Variants in NME1 observed in about 807,000 individuals in gnomAD.
NME1 encodes nucleoside diphosphate kinase A.
In NME1, 9 loss-of-function variants were observed where a neutral mutation model predicts 17.2. That is an observed-to-expected ratio of 0.52 (90% confidence interval 0.32 to 0.92). The LOEUF is 0.92. Ranked by LOEUF, NME1 falls within the 40% of genes least tolerant of loss-of-function variation. The pLI is 0.04. For synonymous variants in NME1, 72 were observed against 70.8 expected, an observed-to-expected ratio of 1.02 and a Z score of -0.09; for missense variants, 169 against 201.7, an observed-to-expected ratio of 0.84 and a Z score of 0.98.
rs1568122693 is a variant in NME1, at chr17:51,161,270, C to G, written c.339C>G (p.Gly113=). The G allele has an allele frequency of 3.1e-6, 5 of 1,605,304 alleles. No individual in the cohort carries two copies. The highest frequency in any genetic ancestry group is 4.3e-6 in the Non-Finnish European group (5 of 1,175,768). Residue 113 remains glycine, a splice_region_variant and synonymous_variant, in exon 4 of 5, where the codon GGC becomes GGG. Coordinates refer to ENST00000393196, the MANE Select transcript of NME1 (RefSeq NM_000269.3). ...TIRGDFCIQV[G]RNIIHGSDSV... ...GTGGAGACTTCTGCATACAAGTTGGCAGGTGAGATTTTGGTATTTTTCCCC... is the reference window on the plus strand; with the variant it reads ...GTGGAGACTTCTGCATACAAGTTGGGAGGTGAGATTTTGGTATTTTTCCCC...
At position 51,155,951 on chromosome 17, in the gene NME1, A is replaced by G. The variant is rs1009184070; in HGVS notation, c.126+171A>G. ...CCCTAGCGTTTGGCTACATCTTGGAACAAACCAAGTTATTTAGGATTTTCC... is the reference window on the plus strand; with the variant it reads ...CCCTAGCGTTTGGCTACATCTTGGAGCAAACCAAGTTATTTAGGATTTTCC... On this transcript the variant is annotated intron_variant, in intron 2 of 4. Coordinates refer to ENST00000393196, the MANE Select transcript of NME1 (RefSeq NM_000269.3). The G allele has an allele frequency of 4.0e-6, 4 of 1,005,020 alleles. No homozygotes were observed. The African/African-American group carries it at 4.9e-5, about 12-fold the overall frequency. 62.3% of individuals were successfully genotyped at this position (1,005,020 alleles called of 1,614,324 possible). A position where few individuals can be genotyped will look rare whatever the true frequency, so the allele number is the denominator to read the frequency against.
intron 2 of NME1, among the ~76,000 whole-genome samples, chr17:51,157,116 A>G (rs762794599): frequency 5.3e-5 from 8 of 151,884 alleles, no homozygotes; most frequent in Non-Finnish European, 1.2e-4. Context: ...TTGACTTGCA[A>G]TTTACTTCCT....
Position 51,160,019 on chromosome 17 carries a change from A to C in NME1, c.166A>C (p.Lys56Gln). The change falls in exon 3 of 5, where the codon AAG becomes CAG. Residue 56 changes from lysine to glutamine, a missense_variant. Lys to Gln is a moderately conservative substitution (Grantham distance 53, BLOSUM62 1). Coordinates refer to ENST00000393196, the MANE Select transcript of NME1 (RefSeq NM_000269.3). ...DLLKEHYVDL[K>Q]DRPFFAGLVK... ...TCTCAAGGAACACTACGTTGACCTG[A>C]AGGACCGTCCATTCTTTGCCGGCCT... 1 of 1,614,118 alleles carries C rather than the reference A, an allele frequency of 6.2e-7. No homozygotes were observed. The highest frequency in any genetic ancestry group is 8.5e-7 in the Non-Finnish European group (1 of 1,179,994).
At chr17:51,160,138 C>A in intron 3 of NME1, 57 bp downstream of exon 3, 1 of 1,588,796 alleles carries the variant, frequency 6.3e-7, no homozygotes, top group Non-Finnish European at 8.6e-7. Context: ...CTGTGCTAGG[C>A]TCTCTTCTAG....
chr17:51,154,827 T>G (rs577698239), intron 1 of NME1, among the ~76,000 whole-genome samples: 17 of 152,238 alleles, frequency 1.1e-4, no homozygotes, highest in Admixed American at 5.2e-4. Flanking sequence ...AAACTTTTCA[T>G]CAGTGTAGTT....
At chr17:51,159,007 T>C (rs944749676) in intron 2 of NME1, among the ~76,000 whole-genome samples, 1 of 152,256 alleles carries the variant, frequency 6.6e-6, no homozygotes, top group Admixed American at 6.5e-5. Flanking sequence ...TTTTATCCTC[T>C]GAATAAACGT....
Position 51,161,171 on chromosome 17 carries a change from G to A in NME1, c.240G>A (p.Gly80=). The A allele has an allele frequency of 1.2e-6, 2 of 1,610,888 alleles. No homozygotes were observed. Among genetic ancestry groups the A allele is most frequent in the African/African-American group, 1.3e-5 (1 of 74,990 alleles). Residue 80 remains glycine, a synonymous_variant, in exon 4 of 5, where the codon GGG becomes GGA. Transcript: ENST00000393196. ...TTCTGTCCTTGGAGGTCTGGGAGGGGCTGAATGTGGTGAAGACGGGCCGAG... is the reference window on the plus strand; with the variant it reads ...TTCTGTCCTTGGAGGTCTGGGAGGGACTGAATGTGGTGAAGACGGGCCGAG... ...SGPVVAMVWE[G]LNVVKTGRVM...
intron 3 of NME1, 128 bp downstream of exon 3, chr17:51,160,209 T>C (rs956298921): frequency 6.3e-6 from 6 of 957,974 alleles, no homozygotes; most frequent in African/African-American, 1.6e-5. Context: ...TACCAGCTAA[T>C]GGTTAGTGAT....
At position 51,162,022 on chromosome 17, in the gene NME1, G is replaced by T; in HGVS notation, c.*177G>T. 1.7e-6 allele frequency: 1 copy of T among 592,564 alleles called. No individual in the cohort carries two copies. Among genetic ancestry groups the T allele is most frequent in the South Asian group, 2.0e-5 (1 of 51,066 alleles). 36.7% of individuals were successfully genotyped at this position (592,564 alleles called of 1,614,324 possible). A position where few individuals can be genotyped will look rare whatever the true frequency, so the allele number is the denominator to read the frequency against. ...CCATCCCCGACCATCTGATTAAAATGCTTCCTCCCAGCATAGGATTCATTG... is the reference window on the plus strand; with the variant it reads ...CCATCCCCGACCATCTGATTAAAATTCTTCCTCCCAGCATAGGATTCATTG... On this transcript the variant is annotated 3_prime_UTR_variant, in exon 5 of 5. Transcript: ENST00000393196.
intron 2 of NME1, among the ~76,000 whole-genome samples, chr17:51,158,692 G>T (rs1227380263): frequency 6.6e-6 from 1 of 152,184 alleles, no homozygotes; most frequent in African/African-American, 2.4e-5. Context: ...CTCCACATCT[G>T]TGTGTGTCTC....
chr17:51,155,630 C>T, intron 1 of NME1, 21 bp from the exon 2 acceptor site: 1 of 1,613,060 alleles, frequency 6.2e-7, no homozygotes, highest in Non-Finnish European at 8.5e-7. Flanking sequence ...CTGTTTCATT[C>T]CTCTACCTGC....
At chr17:51,160,215 G>A (rs777755740) in intron 3 of NME1, 134 bp downstream of exon 3, 2 of 917,270 alleles carry the variant, frequency 2.2e-6, no homozygotes, top group Non-Finnish European at 3.5e-6. Flanking sequence ...CTAATGGTTA[G>A]TGATAGGCTT....
At chr17:51,157,436 G>A (rs958536544) in intron 2 of NME1, among the ~76,000 whole-genome samples, 14 of 152,222 alleles carry the variant, frequency 9.2e-5, no homozygotes, top group African/African-American at 3.1e-4. Flanking sequence ...CCTGAGATAA[G>A]ACATTAATCT....
At position 51,155,699 on chromosome 17, in the gene NME1, G is replaced by T. The variant is rs1473620423; in HGVS notation, c.45G>T (p.Gly15=). The T allele has an allele frequency of 1.9e-6, 3 of 1,614,056 alleles. No individual in the cohort carries two copies. Residue 15 remains glycine (G), a synonymous_variant, in exon 2 of 5, where the codon GGG becomes GGT. Coordinates refer to ENST00000393196, the MANE Select transcript of NME1 (RefSeq NM_000269.3). ...CCTTCATTGCGATCAAACCAGATGG[G>T]GTCCAGCGGGGTCTTGTGGGAGAGA... ...ERTFIAIKPD[G]VQRGLVGEII...
rs866649317 is a variant in NME1 at position 51,159,835 on chromosome 17, G to T, written c.127-145G>T. On this transcript the variant is annotated intron_variant, in intron 2 of 4. Coordinates refer to ENST00000393196, the MANE Select transcript of NME1 (RefSeq NM_000269.3). ...TTAGTCCTGTCACTGCTCCCTTCCA[G>T]TGTGGAGAATGAATTGGGTTATAAC... 30 of 869,506 alleles carry T rather than the reference G, an allele frequency of 3.5e-5. No homozygotes were observed. The South Asian group carries it at 3.5e-4, about 10-fold the overall frequency. 53.9% of individuals were successfully genotyped at this position (869,506 alleles called of 1,614,324 possible).
At position 51,161,205 on chromosome 17, in the gene NME1, G is replaced by A. The variant is rs760804484; in HGVS notation, c.274G>A (p.Gly92Arg). 6 of 1,612,914 alleles carry A rather than the reference G, an allele frequency of 3.7e-6. No individual in the cohort carries two copies. Among genetic ancestry groups the A allele is most frequent in the Admixed American group, 1.7e-5 (1 of 59,784 alleles). Residue 92 changes from glycine to arginine, a missense_variant, in exon 4 of 5, where the codon GGG becomes AGG. Gly to Arg is a moderately radical substitution (Grantham distance 125). Transcript: ENST00000393196. ...NVVKTGRVML[G>R]ETNPADSKPG... ...GGTGAAGACGGGCCGAGTCATGCTC[G>A]GGGAGACCAACCCTGCAGACTCCAA...
intron 2 of NME1, 46 bp downstream of exon 2, chr17:51,155,826 G>T (rs1194609286): frequency 1.9e-5 from 31 of 1,609,678 alleles, no homozygotes; most frequent in Non-Finnish European, 2.5e-5. Flanking sequence ...CATAGTATAG[G>T]AGAACACTGT....
chr17:51,161,905 A>G lies in NME1; in HGVS notation c.*60A>G. 6 of 1,081,636 alleles carry G rather than the reference A, an allele frequency of 5.5e-6. No individual in the cohort carries two copies. Among genetic ancestry groups the G allele is most frequent in the South Asian group, 2.5e-5 (2 of 80,046 alleles). The allele number at this position is 1,081,636 out of a possible 1,614,324, so 67.0% of individuals were successfully genotyped here. ...TTCCCCTCCTTCCCATGGGCAGAGG[A>G]CCAGGCTGTAGGAAATCTAGTTATT... is the stretch of plus-strand genomic sequence containing the variant. On this transcript the variant is annotated 3_prime_UTR_variant, in exon 5 of 5. Coordinates refer to ENST00000393196, the MANE Select transcript of NME1 (RefSeq NM_000269.3).
At chr17:51,154,159 C>CTCT in intron 1 of NME1, 2 of 457,598 alleles carry the variant, frequency 4.4e-6, no homozygotes, top group Non-Finnish European at 8.0e-6. Context: ...GTCTCTCTCT[C>CTCT]TTTTTTTTTT....
Sources: allele counts gnomAD v4.1 joint callset (sites outside exome capture counted in the v4.1 genomes callset), GRCh38; gene constraint gnomAD v4.1.1; transcripts MANE v1.5; gene names NCBI Gene and HGNC (gene_info 2026-07-23, HGNC 2026-07-21).